Variants in CYP4X1 observed in about 807,000 individuals in gnomAD.
The protein encoded by CYP4X1 is cytochrome P450 family 4 subfamily X member 1.
In CYP4X1, 44 loss-of-function variants were observed where a neutral mutation model predicts 57.9. The ratio of observed to expected loss-of-function variants is 0.76; its 90% CI spans 0.60 to 0.98. The LOEUF (loss-of-function observed/expected upper bound fraction) is 0.98. CYP4X1 is among the 50% of genes least tolerant of loss of function. The pLI is 0.00. For synonymous variants in CYP4X1, 227 were observed against 228.6 expected (o/e 0.99, Z 0.06); for missense variants, 532 against 623.9 (o/e 0.85, Z 1.57).
At chr1:46,971,392 A>G in the CYP4X1 span, among the ~76,000 whole-genome samples, 1 of 152,194 alleles carries the variant, frequency 6.6e-6, no homozygotes, top group Admixed American at 6.5e-5. Context: ...ATATGCGTGC[A>G]TGTGTCTTTA....
chr1:46,975,856 A>G, the CYP4X1 span, among the ~76,000 whole-genome samples: 1 of 152,130 alleles, frequency 6.6e-6, no homozygotes, highest in African/African-American at 2.4e-5. Flanking sequence ...AATTTTGTTC[A>G]TCAAAAAAAT....
upstream of CYP4X1, among the ~76,000 whole-genome samples, chr1:47,021,842 G>A (rs779511688): frequency 1.2e-4 from 19 of 152,276 alleles, no homozygotes; most frequent in Non-Finnish European, 2.2e-4. Flanking sequence ...CTCTGACCCT[G>A]CCAAGAGAAC....
chr1:47,033,401 C>T lies in CYP4X1; in HGVS notation c.492+33C>T, dbSNP rs199654055. ...AAGGGGGAAAGTGCTCTGTGCATTGCGAAATGCTCCCAGCAATGGACAGTA... is the reference window on the plus strand; with the variant it reads ...AAGGGGGAAAGTGCTCTGTGCATTGTGAAATGCTCCCAGCAATGGACAGTA... On this transcript the variant is annotated intron_variant, in intron 4 of 11. Transcript: ENST00000371901. 56 of 1,611,276 alleles carry T rather than the reference C, an allele frequency of 3.5e-5. 1 individual carries two copies. In the East Asian group the frequency reaches 5.6e-4, roughly 16 times the overall value.
At chr1:47,045,053 G>A (rs577558285) in intron 8 of CYP4X1, among the ~76,000 whole-genome samples, 2 of 152,156 alleles carry the variant, frequency 1.3e-5, no homozygotes, top group East Asian at 1.9e-4. Flanking sequence ...TTGAACACCC[G>A]ACCTCAGATG....
chr1:46,999,229 T>A, the CYP4X1 span, among the ~76,000 whole-genome samples: 1 of 152,202 alleles, frequency 6.6e-6, no homozygotes, highest in African/African-American at 2.4e-5. Flanking sequence ...GTAGACTTTT[T>A]ATTACTGATT....
the CYP4X1 span, chr1:46,967,564 A>G: frequency 2.4e-5 from 6 of 254,222 alleles, no homozygotes; most frequent in East Asian, 4.5e-4. Flanking sequence ...AGAAGGGAGG[A>G]TAGCAGGTAG....
At chr1:47,037,304 C>G (rs550917537) in intron 6 of CYP4X1, among the ~76,000 whole-genome samples, 1 of 120,288 alleles carries the variant, frequency 8.3e-6, no homozygotes, top group South Asian at 2.7e-4. Flanking sequence ...GAGATGGAGT[C>G]TCTATCACTC....
At chr1:47,026,567 C>T (rs148633029) in intron 1 of CYP4X1, among the ~76,000 whole-genome samples, 259 of 152,170 alleles carry the variant, frequency 1.7e-3, no homozygotes, top group African/African-American at 5.9e-3. Flanking sequence ...CTATCAATTT[C>T]TACAAGGAAA....
the CYP4X1 span, among the ~76,000 whole-genome samples, chr1:47,013,759 C>CT: frequency 0.038 from 4,672 of 122,084 alleles, 205 homozygotes; most frequent in Middle Eastern, 0.068. Context: ...TCAATATACT[C>CT]TTTTTTTTTT....
At chr1:46,962,363 C>A in the CYP4X1 span, among the ~76,000 whole-genome samples, 1 of 152,110 alleles carries the variant, frequency 6.6e-6, no homozygotes, top group Non-Finnish European at 1.5e-5. Context: ...AGGGATCTGC[C>A]CACCTCGGTC....
chr1:46,999,067 T>TGTGTGTGTGTGTGTGTGTGTGTG, the CYP4X1 span, among the ~76,000 whole-genome samples: 1 of 144,466 alleles, frequency 6.9e-6, no homozygotes, highest in African/African-American at 2.5e-5. Context: ...TGTGTGTGTG[T>TGTGTGTGTGTGTGTGTGTGTGTG]TTTGGTGCTG....
At chr1:46,965,526 G>A in the CYP4X1 span, among the ~76,000 whole-genome samples, 1 of 152,118 alleles carries the variant, frequency 6.6e-6, no homozygotes, top group Non-Finnish European at 1.5e-5. Flanking sequence ...TGCTTCGGTG[G>A]GATACCTGGA....
the CYP4X1 span, among the ~76,000 whole-genome samples, chr1:46,977,286 C>T: frequency 2.6e-5 from 4 of 151,528 alleles, no homozygotes; most frequent in Admixed American, 6.6e-5. Context: ...TTTAAATCAC[C>T]CAATGGAGCT....
chr1:47,010,732 TG>T, the CYP4X1 span, among the ~76,000 whole-genome samples: 3 of 152,200 alleles, frequency 2.0e-5, no homozygotes, highest in African/African-American at 7.2e-5. Flanking sequence ...ACAAAATCAA[TG>T]TGCAAAAATC....
rs751911913 is a variant in CYP4X1, at chr1:47,033,264, G to T, written c.388G>T (p.Gly130Ter). Reference sequence around the variant, plus strand: ...AGGAAAAGGACTAGCGGCTCTAGACGGACCCAAGTGGTTCCAGCATCGTCG... The same window carrying T: ...AGGAAAAGGACTAGCGGCTCTAGACTGACCCAAGTGGTTCCAGCATCGTCG... ...LLGKGLAALD[G>*]PKWFQHRRLL... Residue 130 changes from glycine (G) to a stop codon, truncating the protein, a stop_gained, in exon 4 of 12, where the codon GGA (glycine) becomes TGA (stop). Transcript: ENST00000371901. LOFTEE classifies it high-confidence loss of function. 5 of 1,613,608 alleles carry T rather than the reference G, an allele frequency of 3.1e-6. No homozygotes were observed. In the South Asian group the frequency reaches 5.5e-5, roughly 18 times the overall value.
At chr1:46,975,332 C>T in the CYP4X1 span, among the ~76,000 whole-genome samples, 1 of 152,112 alleles carries the variant, frequency 6.6e-6, no homozygotes, top group Non-Finnish European at 1.5e-5. Flanking sequence ...TTAGCACCCC[C>T]CTGGGACCTT....
chr1:47,048,263 A>G (rs1441351931), intron 9 of CYP4X1, among the ~76,000 whole-genome samples: 1 of 152,166 alleles, frequency 6.6e-6, no homozygotes, highest in Non-Finnish European at 1.5e-5. Flanking sequence ...AAAAACAAAA[A>G]ACAAATATTT....
chr1:46,999,603 T>C, the CYP4X1 span, among the ~76,000 whole-genome samples: 1 of 152,206 alleles, frequency 6.6e-6, no homozygotes, highest in Non-Finnish European at 1.5e-5. Context: ...TCTTTTCTTC[T>C]AGTTGCTTTG....
At chr1:47,049,580 G>A in intron 11 of CYP4X1, 76 bp downstream of exon 11, 2 of 1,278,774 alleles carry the variant, frequency 1.6e-6, no homozygotes, top group Non-Finnish European at 1.1e-6. Flanking sequence ...CAGCTCCTCA[G>A]CTCTATACAT....
Sources: gnomAD v4.1 joint callset for allele counts (sites outside exome capture counted in the v4.1 genomes callset) on GRCh38, gnomAD v4.1.1 for gene constraint, MANE v1.5 for transcripts, NCBI Gene and HGNC (gene_info 2026-07-23, HGNC 2026-07-21) for gene names.